DIAPH3: variants seen among roughly 807,000 people sequenced by gnomAD.
DIAPH3 encodes protein diaphanous homolog 3.
DIAPH3 carries 117 observed loss-of-function variants against 144.3 expected under a neutral mutation model. That is an observed-to-expected ratio of 0.81 (90% confidence interval 0.70 to 0.95). The LOEUF (loss-of-function observed/expected upper bound fraction) is 0.95. DIAPH3 is among the 40% of genes least tolerant of loss of function. DIAPH3 has a pLI of 0.00. For missense variants in DIAPH3, 1,421 were observed against 1,412.7 expected (o/e 1.01, Z -0.09); for synonymous variants, 519 against 488.9 (o/e 1.06, Z -0.81).
chr13:59,692,406 C>T (rs2033578306), intron 27 of DIAPH3, among the ~76,000 whole-genome samples: 1 of 150,508 alleles, frequency 6.6e-6, no homozygotes, highest in African/African-American at 2.4e-5. Context: ...ACTGACACCC[C>T]CAACCCCCCC....
intron 27 of DIAPH3, among the ~76,000 whole-genome samples, chr13:59,729,744 T>A (rs2035791425): frequency 6.6e-6 from 1 of 151,336 alleles, no homozygotes; most frequent in Non-Finnish European, 1.5e-5. Flanking sequence ...ATATTACTAT[T>A]GGGGGAAAAC....
At chr13:60,103,116 G>T (rs1182453247) in intron 3 of DIAPH3, among the ~76,000 whole-genome samples, 1 of 151,928 alleles carries the variant, frequency 6.6e-6, no homozygotes, top group Non-Finnish European at 1.5e-5. Context: ...TTTAAAAATA[G>T]TACCAAATAA....
intron 21 of DIAPH3, among the ~76,000 whole-genome samples, chr13:59,866,991 TG>T (rs1412777711): frequency 1.3e-5 from 2 of 151,096 alleles, no homozygotes; most frequent in African/African-American, 4.8e-5. Context: ...TGTGCTTGTG[TG>T]TGTGCCTGGT....
chr13:59,942,364 AT>A (rs1057313439), intron 17 of DIAPH3, among the ~76,000 whole-genome samples: 11 of 152,026 alleles, frequency 7.2e-5, no homozygotes, highest in African/African-American at 2.7e-4. Flanking sequence ...TCTTGCAACA[AT>A]TTTTTTAGAT....
chr13:59,977,479 C>G (rs558357579), intron 14 of DIAPH3, among the ~76,000 whole-genome samples: 2 of 151,870 alleles, frequency 1.3e-5, no homozygotes, highest in South Asian at 4.1e-4. Flanking sequence ...AATCCTGGAG[C>G]ATTATTAGGT....
chr13:59,946,213 T>C (rs902757069), intron 17 of DIAPH3, among the ~76,000 whole-genome samples: 29 of 152,182 alleles, frequency 1.9e-4, no homozygotes, highest in Non-Finnish European at 3.2e-4. Flanking sequence ...AATCTTCCAC[T>C]TTTTTGTACT....
chr13:59,755,330 A>C (rs2037203448), intron 27 of DIAPH3, among the ~76,000 whole-genome samples: 2 of 152,206 alleles, frequency 1.3e-5, no homozygotes, highest in African/African-American at 4.8e-5. Flanking sequence ...TAAAATATTA[A>C]AACTTAATGA....
chr13:60,013,716 A>C (rs1221779323), intron 7 of DIAPH3, among the ~76,000 whole-genome samples: 1 of 152,138 alleles, frequency 6.6e-6, no homozygotes, highest in Non-Finnish European at 1.5e-5. Context: ...CTTAAAACTT[A>C]TATTTTCACC....
chr13:59,891,448 C>T (rs200603272), intron 20 of DIAPH3, among the ~76,000 whole-genome samples: 18 of 131,664 alleles, frequency 1.4e-4, no homozygotes, highest in African/African-American at 1.9e-4. Context: ...AAATTATCAT[C>T]AAAAAAAAAA....
chr13:60,139,501 A>G (rs976178486), intron 1 of DIAPH3, among the ~76,000 whole-genome samples: 1 of 152,162 alleles, frequency 6.6e-6, no homozygotes, highest in Admixed American at 6.5e-5. Context: ...CCTGCCCCTC[A>G]ATTCCTCCAT....
chr13:59,860,083 G>A (rs1210509149), intron 22 of DIAPH3, among the ~76,000 whole-genome samples: 1 of 152,054 alleles, frequency 6.6e-6, no homozygotes, highest in African/African-American at 2.4e-5. Context: ...ATACATCTCA[G>A]AACAAAGTTT....
chr13:59,829,293 C>A (rs115136947), intron 24 of DIAPH3, among the ~76,000 whole-genome samples: 174 of 151,970 alleles, frequency 1.1e-3, no homozygotes, highest in African/African-American at 4.1e-3. Flanking sequence ...GCCACTTTTT[C>A]TTTTCTTCTA....
Position 59,980,834 on chromosome 13 carries a change from T to A in DIAPH3, c.1506A>T (p.Leu502=). ...CTGATGCTTTCTCTTCAAACTCTTC[T>A]AGTTTTGCTTGATCTATGCAAATGT... is the stretch of plus-strand genomic sequence containing the variant. ...FVDICIDQAK[L]EEFEEKASEL... Residue 502 remains leucine (L), a synonymous_variant, in exon 14 of 28, where the codon CTA becomes CTT. Coordinates refer to ENST00000400324, the MANE Select transcript of DIAPH3 (RefSeq NM_001042517.2). The A allele has an allele frequency of 6.2e-7, 1 of 1,609,574 alleles. No homozygotes were observed. Among genetic ancestry groups the A allele is most frequent in the Non-Finnish European group, 8.5e-7 (1 of 1,177,310 alleles).
At position 59,757,056 on chromosome 13, in the gene DIAPH3, G is replaced by T. The variant is rs191727993; in HGVS notation, c.3319+17133C>A. 1.9e-4 allele frequency among the ~76,000 whole-genome samples: 29 copies of T among 152,090 alleles called. No individual in the cohort carries two copies. In the East Asian group the frequency reaches 5.0e-3, roughly 26 times the overall value. ...TTCCTTTGCCCCCTTAATTTTATCA[G>T]TTACAAATAAAGGATGAAAATATAT... On this transcript the variant is annotated intron_variant, in intron 27 of 27. Transcript: ENST00000400324.
intron 18 of DIAPH3, among the ~76,000 whole-genome samples, chr13:59,921,775 A>G (rs2047531104): frequency 6.6e-6 from 1 of 152,084 alleles, no homozygotes; most frequent in South Asian, 2.1e-4. Context: ...CAAGAATGCA[A>G]CAAAGGAAAG....
chr13:59,749,209 CAAAAAAAAAAAAAA>C (rs71197276), intron 27 of DIAPH3, among the ~76,000 whole-genome samples: 2 of 25,098 alleles, frequency 8.0e-5, no homozygotes, highest in Non-Finnish European at 1.4e-4. Flanking sequence ...GACTCTGTCT[CAAAAAAAAAAAAAA>C]AAAAAAAAAA....
intron 21 of DIAPH3, among the ~76,000 whole-genome samples, chr13:59,865,137 A>G (rs1250283481): frequency 6.6e-6 from 1 of 151,818 alleles, no homozygotes; most frequent in African/African-American, 2.4e-5. Context: ...CAACTACTCT[A>G]TTCTCTCCCT....
In DIAPH3 at chr13:59,867,761, A is replaced by G. The variant is rs540706439; in HGVS notation, c.2608-6225T>C. 6.6e-5 allele frequency among the ~76,000 whole-genome samples: 10 copies of G among 152,250 alleles called. No homozygotes were observed. In the South Asian group the frequency reaches 1.2e-3, roughly 19 times the overall value. On this transcript the variant is annotated intron_variant, in intron 21 of 27. Coordinates refer to ENST00000400324, the MANE Select transcript of DIAPH3 (RefSeq NM_001042517.2). ...CATACTGCCCCCTTTTTCCTGCAAAAGATATAAAACAGCTCAATGTTCCTT... is the reference window on the plus strand; with the variant it reads ...CATACTGCCCCCTTTTTCCTGCAAAGGATATAAAACAGCTCAATGTTCCTT...
intron 27 of DIAPH3, among the ~76,000 whole-genome samples, chr13:59,735,147 A>G (rs2036082124): frequency 6.6e-6 from 1 of 152,186 alleles, no homozygotes; most frequent in Non-Finnish European, 1.5e-5. Context: ...CATTACAAAA[A>G]TGAAATAAAA....
Sources: allele counts gnomAD v4.1 joint callset (sites outside exome capture counted in the v4.1 genomes callset), GRCh38; gene constraint gnomAD v4.1.1; transcripts MANE v1.5; gene names NCBI Gene and HGNC (gene_info 2026-07-23, HGNC 2026-07-21).